MIDEAS: variants seen among roughly 807,000 people sequenced by gnomAD.
The protein encoded by MIDEAS is mitotic deacetylase associated SANT domain protein, also known as mitotic deacetylase-associated SANT domain protein.
A neutral mutation model predicts 102.7 loss-of-function variants in MIDEAS; 26 were observed. The ratio of observed to expected loss-of-function variants is 0.25; its 90% CI spans 0.19 to 0.35. The LOEUF (loss-of-function observed/expected upper bound fraction) is 0.35. MIDEAS is among the 10% of genes least tolerant of loss of function. The pLI is 1.00. For synonymous variants in MIDEAS, 585 were observed against 591.0 expected, an observed-to-expected ratio of 0.99 and a Z score of 0.15; for missense variants, 1,231 against 1,435.6, an observed-to-expected ratio of 0.86 and a Z score of 2.30.
chr14:73,738,767 C>T lies in MIDEAS; in HGVS notation c.1242G>A (p.Glu414=), dbSNP rs376113419. ...GCTCCCGGCCATTGGGTGCTAGTCTCTCCCCATCAGGCAGTAGCTGCGACT... is the reference window on the plus strand; with the variant it reads ...GCTCCCGGCCATTGGGTGCTAGTCTTTCCCCATCAGGCAGTAGCTGCGACT... ...LRESQLLPDG[E]RLAPNGRERE... The change falls in exon 2 of 13, where the codon GAG becomes GAA. Residue 414 remains glutamate, a synonymous_variant. Transcript: ENST00000423556. 1.1e-5 allele frequency: 17 copies of T among 1,597,868 alleles called. No individual in the cohort carries two copies. The Admixed American group carries it at 1.2e-4, about 11-fold the overall frequency.
intron 1 of MIDEAS, among the ~76,000 whole-genome samples, chr14:73,783,194 C>T (rs576164370): frequency 6.4e-4 from 98 of 152,126 alleles, no homozygotes; most frequent in African/African-American, 2.2e-3. Context: ...ATTCTTAGAC[C>T]AGGACTCAAG....
chr14:73,725,223 C>T lies in MIDEAS; in HGVS notation c.2574+49G>A. 6.6e-7 allele frequency: 1 copy of T among 1,520,354 alleles called. No homozygotes were observed. The highest frequency in any genetic ancestry group is 9.1e-7 in the Non-Finnish European group (1 of 1,094,846). The allele number at this position is 1,520,354 out of a possible 1,614,324, so 94.2% of individuals were successfully genotyped here. A position where few individuals can be genotyped will look rare whatever the true frequency, so the allele number is the denominator to read the frequency against. On this transcript the variant is annotated intron_variant, in intron 9 of 12. Coordinates refer to ENST00000423556, the MANE Select transcript of MIDEAS (RefSeq NM_001367710.1). The surrounding 1 kb of genome is among the most constrained non-coding windows in gnomAD (Gnocchi z 4.1). ...ACTGGCAGAGGGAGCCCCAAAGTCACACAGGCAGCTCCTGGCCCTCATTTG... is the reference window on the plus strand; with the variant it reads ...ACTGGCAGAGGGAGCCCCAAAGTCATACAGGCAGCTCCTGGCCCTCATTTG...
chr14:73,724,176 G>A (rs1332488290), intron 9 of MIDEAS: 1 of 152,222 alleles, frequency 6.6e-6, no homozygotes, highest in Admixed American at 6.5e-5. Context: ...TGGCCACTGG[G>A]TTTAGTTTTT....
intron 1 of MIDEAS, among the ~76,000 whole-genome samples, chr14:73,765,965 C>A (rs905051865): frequency 2.0e-5 from 3 of 152,186 alleles, no homozygotes; most frequent in Admixed American, 1.3e-4. Flanking sequence ...TTGGTGGGAC[C>A]AATTCAATAG....
intron 1 of MIDEAS, among the ~76,000 whole-genome samples, chr14:73,774,246 T>C (rs993087744): frequency 6.6e-6 from 1 of 151,582 alleles, no homozygotes; most frequent in South Asian, 2.1e-4. Context: ...TGTAGTCTAA[T>C]CCCCTCATTT....
At chr14:73,730,089 T>C (rs8019058) in intron 3 of MIDEAS, 104 bp from the exon 4 acceptor site, 475,530 of 1,158,588 alleles carry the variant, frequency 0.41, 107,421 homozygotes, top group East Asian at 0.86. Context: ...TTAGTCTGCC[T>C]ACCACACCCA....
In MIDEAS at chr14:73,776,084, C is replaced by G. The variant is rs531726410; in HGVS notation, c.-248+11018G>C. On this transcript the variant is annotated intron_variant, in intron 1 of 11. Coordinates refer to the MIDEAS transcript ENST00000394071. ...AAGCAAAGTGGCACCTCGCAAACAC[C>G]CTGTGGCCCCAAGAGTCTCACCCAA... 3.3e-5 allele frequency among the ~76,000 whole-genome samples: 5 copies of G among 152,048 alleles called. No homozygotes were observed. In the South Asian group the frequency reaches 1.0e-3, roughly 32 times the overall value.
chr14:73,755,352 G>A (rs188110333), intron 1 of MIDEAS, among the ~76,000 whole-genome samples: 1 of 152,234 alleles, frequency 6.6e-6, no homozygotes, highest in Admixed American at 6.5e-5. Flanking sequence ...GCTCTCCTCT[G>A]ACAGTGGCAA....
chr14:73,756,977 C>T (rs2053491364), intron 1 of MIDEAS, among the ~76,000 whole-genome samples: 1 of 152,098 alleles, frequency 6.6e-6, no homozygotes, highest in Non-Finnish European at 1.5e-5. Context: ...ATTTGTTCAA[C>T]TAACATGCAC....
intron 1 of MIDEAS, among the ~76,000 whole-genome samples, chr14:73,758,120 G>C (rs2053507680): frequency 6.6e-6 from 1 of 152,192 alleles, no homozygotes; most frequent in Non-Finnish European, 1.5e-5. Flanking sequence ...AATCCAATTA[G>C]AGTGGAGACT....
intron 1 of MIDEAS, among the ~76,000 whole-genome samples, chr14:73,756,274 G>A (rs570416502): frequency 1.3e-3 from 108 of 84,652 alleles, no homozygotes; most frequent in Non-Finnish European, 2.4e-3. Context: ...GTCAGTGTGT[G>A]TGTGTGTGTG....
chr14:73,761,532 A>G (rs1367819385), upstream of MIDEAS, among the ~76,000 whole-genome samples: 1 of 152,248 alleles, frequency 6.6e-6, no homozygotes, highest in Non-Finnish European at 1.5e-5. Flanking sequence ...CAAAATAAGG[A>G]ACACTTAAAA....
In MIDEAS at chr14:73,716,944, G is replaced by T. The variant is rs2140086808; in HGVS notation, c.*1899C>A. Reference sequence around the variant, plus strand: ...CCCCCTGCTTCTACAGGGTATACCAGATTTTTGCTGTCTTGGGACACTGAG... The same window carrying T: ...CCCCCTGCTTCTACAGGGTATACCATATTTTTGCTGTCTTGGGACACTGAG... On this transcript the variant is annotated 3_prime_UTR_variant, in exon 13 of 13. Coordinates refer to ENST00000423556, the MANE Select transcript of MIDEAS (RefSeq NM_001367710.1). The T allele has an allele frequency of 6.5e-6, 1 of 152,768 alleles. No homozygotes were observed. Among genetic ancestry groups the T allele is most frequent in the East Asian group, 1.9e-4 (1 of 5,188 alleles). The allele number at this position is 152,768 out of a possible 1,614,324, so 9.5% of individuals were successfully genotyped here. A position where few individuals can be genotyped will look rare whatever the true frequency, so the allele number is the denominator to read the frequency against.
Position 73,738,978 on chromosome 14 carries a change from C to T in MIDEAS, c.1031G>A (p.Arg344His). 9 of 1,531,306 alleles carry T rather than the reference C, an allele frequency of 5.9e-6. No individual in the cohort carries two copies. The highest frequency in any genetic ancestry group is 2.6e-5 in the South Asian group (2 of 77,042). 94.9% of individuals were successfully genotyped at this position (1,531,306 alleles called of 1,614,324 possible). A position where few individuals can be genotyped will look rare whatever the true frequency, so the allele number is the denominator to read the frequency against. The change falls in exon 2 of 13, where the codon CGC becomes CAC. Residue 344 changes from arginine to histidine, a missense_variant. Around this residue, in one of 5 missense-constraint regions of MIDEAS, gnomAD observed 758 missense variants for 856.0 expected, o/e 0.89. Transcript: ENST00000423556. ...CTCCTTAGAGAGGCGGCGGGAGCGG[C>T]GGGGGAAGGGGATCTGGACCTGAGG... The part of the protein sequence containing the change: ...ALPQVQIPFP[R>H]RSRRLSKEGI...
rs1357264837 is a variant in MIDEAS at position 73,721,464 on chromosome 14, G to A, written c.2770C>T (p.Pro924Ser). The A allele has an allele frequency of 3.7e-6, 6 of 1,614,088 alleles. No homozygotes were observed. The highest frequency in any genetic ancestry group is 1.7e-5 in the Admixed American group (1 of 60,018). ...PRVPLPRRESPSEERLEPKRE... is the reference protein window; with the variant it reads ...PRVPLPRRESSSEERLEPKRE... ...TTGGGCTCCAGCCTCTCTTCACTTG[G>A]GGACTCTCTTCTGGGAAGAGGCACC... The change falls in exon 11 of 13, where the codon CCA becomes TCA. Residue 924 changes from proline to serine, a missense_variant. Physicochemically the swap from Pro to Ser is moderately conservative, Grantham distance 74. Transcript: ENST00000423556.
At chr14:73,726,241 G>T (rs2053059379) in intron 7 of MIDEAS, 133 bp from the exon 8 acceptor site, 1 of 763,238 alleles carries the variant, frequency 1.3e-6, no homozygotes, top group South Asian at 1.6e-5. Context: ...AGAGATAAGG[G>T]GTCCACTGGG....
rs971560411 is a variant in MIDEAS, at chr14:73,759,632, C to T, written c.-248+131G>A. 6 of 149,824 alleles carry T rather than the reference C, an allele frequency of 4.0e-5. No homozygotes were observed. Among genetic ancestry groups the T allele is most frequent in the African/African-American group, 1.5e-4 (6 of 41,158 alleles). The allele number at this position is 149,824 out of a possible 1,614,324, so 9.3% of individuals were successfully genotyped here. A position where few individuals can be genotyped will look rare whatever the true frequency, so the allele number is the denominator to read the frequency against. Reference sequence around the variant, plus strand: ...GTTCGAGCGCAGCGGCCCCCGCGGCCCCCTCTCCGGGCCGCGCCTGCAGAG... The same window carrying T: ...GTTCGAGCGCAGCGGCCCCCGCGGCTCCCTCTCCGGGCCGCGCCTGCAGAG... On this transcript the variant is annotated intron_variant, in intron 1 of 12. Transcript: ENST00000423556. This position sits in a 1 kb window ranked among gnomAD's most constrained non-coding sequence, Gnocchi z 6.7.
chr14:73,721,174 C>A, intron 11 of MIDEAS, 123 bp downstream of exon 11: 1 of 911,342 alleles, frequency 1.1e-6, no homozygotes, highest in Non-Finnish European at 1.7e-6. Context: ...CAAAGTACTT[C>A]ACACATTTCC....
intron 1 of MIDEAS, among the ~76,000 whole-genome samples, chr14:73,745,181 G>A (rs953420970): frequency 9.2e-5 from 14 of 152,216 alleles, no homozygotes; most frequent in Non-Finnish European, 1.9e-4. Flanking sequence ...GGGATGAAGT[G>A]AAAAGGCCCA....
Sources: allele counts gnomAD v4.1 joint callset (sites outside exome capture counted in the v4.1 genomes callset), GRCh38; gene constraint gnomAD v4.1.1; regional missense constraint gnomAD v4.1.1; non-coding constraint Gnocchi (gnomAD v3.1); transcripts MANE v1.5; gene names NCBI Gene and HGNC (gene_info 2026-07-23, HGNC 2026-07-21).